CNTNAP2: variants seen among roughly 807,000 people sequenced by gnomAD.
CNTNAP2 encodes contactin associated protein 2.
In CNTNAP2, 98 loss-of-function variants were observed where a neutral mutation model predicts 155.2. That is an observed-to-expected ratio of 0.63 (90% CI 0.54 to 0.75). CNTNAP2 has a LOEUF of 0.75. Ranked by LOEUF, CNTNAP2 falls within the 30% of genes least tolerant of loss-of-function variation. The pLI is 0.00. For missense variants in CNTNAP2, 1,727 were observed against 1,688.1 expected (o/e 1.02, Z -0.40); for synonymous variants, 651 against 631.2 (o/e 1.03, Z -0.47).
At chr7:147,137,926 T>C (rs1724824634) in intron 8 of CNTNAP2, among the ~76,000 whole-genome samples, 1 of 141,652 alleles carries the variant, frequency 7.1e-6, no homozygotes, top group Non-Finnish European at 1.6e-5. Context: ...GGTAGATAGA[T>C]AAAAAGTATT....
At chr7:147,022,643 T>G (rs1183917983) in intron 3 of CNTNAP2, among the ~76,000 whole-genome samples, 1 of 149,774 alleles carries the variant, frequency 6.7e-6, no homozygotes, top group Non-Finnish European at 1.5e-5. Context: ...AAATATAAAA[T>G]AAGATCTCTG....
chr7:146,875,721 T>A lies in CNTNAP2; in HGVS notation c.402+35817T>A, dbSNP rs1795406738. Among the ~76,000 whole-genome samples, 8 of 151,160 alleles carry A rather than the reference T, an allele frequency of 5.3e-5. No individual in the cohort carries two copies. The South Asian group carries it at 1.5e-3, about 28-fold the overall frequency. ...AAATACTGGTGGCCTAAAACCCAGG[T>A]CCTTTATGACCTAATTCTAGCTTTA... On this transcript the variant is annotated intron_variant, in intron 3 of 23. Coordinates refer to ENST00000361727, the MANE Select transcript of CNTNAP2 (RefSeq NM_014141.6).
rs907220003 is a variant in CNTNAP2, at chr7:146,764,212, C to G, written c.98-10059C>G. On this transcript the variant is annotated intron_variant, in intron 1 of 23. Transcript: ENST00000361727. ...TTCATTTAGTCATATTGTGATTGAC[C>G]TTGACGGTCTTCAGATTATTGGTTT... is the stretch of plus-strand genomic sequence containing the variant. Among the ~76,000 whole-genome samples the G allele has an allele frequency of 2.6e-5, 4 of 152,160 alleles. 1 individual carries two copies. The Middle Eastern group carries it at 0.01, about 388-fold the overall frequency.
At chr7:146,738,577 A>C (rs2129180670) in intron 1 of CNTNAP2, among the ~76,000 whole-genome samples, 1 of 151,722 alleles carries the variant, frequency 6.6e-6, no homozygotes, top group East Asian at 1.9e-4. Flanking sequence ...ATATCTAAAA[A>C]GTTTTATTGC....
intron 10 of CNTNAP2, among the ~76,000 whole-genome samples, chr7:147,403,235 T>G (rs1306561341): frequency 6.6e-6 from 1 of 152,212 alleles, no homozygotes; most frequent in Non-Finnish European, 1.5e-5. Flanking sequence ...ACCTATCACC[T>G]GGGAGCCCCT....
intron 20 of CNTNAP2, among the ~76,000 whole-genome samples, chr7:148,247,654 T>A (rs1387245227): frequency 6.8e-6 from 1 of 146,280 alleles, no homozygotes; most frequent in Non-Finnish European, 1.5e-5. Flanking sequence ...TTTATTTATT[T>A]ATTTATTTAT....
intron 2 of CNTNAP2, among the ~76,000 whole-genome samples, chr7:146,827,523 G>GTTTTTT: frequency 6.6e-6 from 1 of 150,502 alleles, no homozygotes. Context: ...TTATATCAGA[G>GTTTTTT]AGAATAACAT....
At chr7:146,738,728 A>T (rs1195840666) in intron 1 of CNTNAP2, among the ~76,000 whole-genome samples, 1 of 151,892 alleles carries the variant, frequency 6.6e-6, no homozygotes, top group African/African-American at 2.4e-5. Flanking sequence ...ATCATTTCAC[A>T]TGTGAATATT....
intron 14 of CNTNAP2, among the ~76,000 whole-genome samples, chr7:147,928,253 AACAG>A (rs1351554754): frequency 6.6e-6 from 1 of 152,144 alleles, no homozygotes; most frequent in African/African-American, 2.4e-5. Flanking sequence ...GCAGCATGAG[AACAG>A]ACACTCCTAA....
intron 1 of CNTNAP2, among the ~76,000 whole-genome samples, chr7:146,460,500 C>T (rs961163599): frequency 1.3e-5 from 2 of 151,976 alleles, no homozygotes; most frequent in East Asian, 1.9e-4. Context: ...GCACTGTTCG[C>T]AATAGCCAAG....
intron 21 of CNTNAP2, among the ~76,000 whole-genome samples, chr7:148,295,378 A>T (rs1797261000): frequency 6.7e-6 from 1 of 150,134 alleles, no homozygotes; most frequent in Non-Finnish European, 1.5e-5. Flanking sequence ...AACTATAGTA[A>T]CAAGGGCTAC....
intron 14 of CNTNAP2, among the ~76,000 whole-genome samples, chr7:147,959,754 T>A (rs1374754733): frequency 6.6e-6 from 1 of 152,138 alleles, no homozygotes; most frequent in African/African-American, 2.4e-5. Flanking sequence ...CAGGGCATGC[T>A]GGTGGGTGTG....
At chr7:148,052,760 C>G (rs973479507) in intron 15 of CNTNAP2, among the ~76,000 whole-genome samples, 2 of 152,148 alleles carry the variant, frequency 1.3e-5, no homozygotes, top group Admixed American at 1.3e-4. Flanking sequence ...AAAAATAAGT[C>G]TCCTAGGCCA....
intron 1 of CNTNAP2, among the ~76,000 whole-genome samples, chr7:146,441,014 C>T (rs1345068145): frequency 1.3e-5 from 2 of 151,394 alleles, no homozygotes; most frequent in African/African-American, 4.9e-5. Context: ...GACAACTTGT[C>T]CTACAAGTCT....
chr7:146,351,467 G>C (rs1300059173), intron 1 of CNTNAP2, among the ~76,000 whole-genome samples: 1 of 152,064 alleles, frequency 6.6e-6, no homozygotes, highest in African/African-American at 2.4e-5. Context: ...GCTTCATGTT[G>C]TATTTATATT....
intron 13 of CNTNAP2, among the ~76,000 whole-genome samples, chr7:147,831,421 A>C (rs911804192): frequency 3.7e-4 from 56 of 152,200 alleles, no homozygotes; most frequent in Non-Finnish European, 6.5e-4. Context: ...GATTTTTTTC[A>C]TTGTAATATT....
In CNTNAP2 at chr7:148,032,239, T is replaced by C. The variant is rs549740491; in HGVS notation, c.2383+54250T>C. 5.9e-5 allele frequency among the ~76,000 whole-genome samples: 9 copies of C among 152,344 alleles called. No homozygotes were observed. The South Asian group carries it at 1.7e-3, about 28-fold the overall frequency. On this transcript the variant is annotated intron_variant, in intron 15 of 23. Transcript: ENST00000361727. ...TGGGGAGACATTGACAGTCCATCTA[T>C]GTCTCACTGAAAGATCTTTGTGATA...
chr7:146,464,660 T>G (rs1166519719), intron 1 of CNTNAP2, among the ~76,000 whole-genome samples: 2 of 152,130 alleles, frequency 1.3e-5, no homozygotes, highest in Non-Finnish European at 2.9e-5. Flanking sequence ...TATCATCATT[T>G]TTAATACTGA....
At chr7:146,386,694 G>A (rs1795466719) in intron 1 of CNTNAP2, among the ~76,000 whole-genome samples, 1 of 152,024 alleles carries the variant, frequency 6.6e-6, no homozygotes, top group African/African-American at 2.4e-5. Flanking sequence ...TCCACATTCT[G>A]TTTCATATAA....
Sources: allele counts gnomAD v4.1 joint callset (sites outside exome capture counted in the v4.1 genomes callset), GRCh38; gene constraint gnomAD v4.1.1; transcripts MANE v1.5; gene names NCBI Gene and HGNC (gene_info 2026-07-23, HGNC 2026-07-21).